Variants in FDFT1 observed in about 807,000 individuals in gnomAD.
FDFT1 encodes squalene synthase.
A neutral mutation model predicts 46.8 loss-of-function variants in FDFT1; 68 were observed. The ratio of observed to expected loss-of-function variants is 1.45; its 90% CI spans 1.19 to 1.78. The LOEUF (loss-of-function observed/expected upper bound fraction) is 1.78, where lower values mean the gene tolerates loss of function less well. FDFT1 is among the 40% of genes most tolerant of loss of function. The pLI, the probability that FDFT1 is intolerant of heterozygous loss-of-function variation, is 0.00. For missense variants in FDFT1, 928 were observed against 524.4 expected (o/e 1.77, Z -7.52); for synonymous variants, 351 against 185.1 (o/e 1.90, Z -7.28).
At chr8:11,830,524 A>C in intron 6 of FDFT1, 104 bp downstream of exon 6, 2 of 801,288 alleles carry the variant, frequency 2.5e-6, no homozygotes, top group Non-Finnish European at 2.0e-6. Context: ...TTCCTTAAAA[A>C]GACGATGACT....
chr8:11,804,927 A>AC (rs1806632436), intron 1 of FDFT1, among the ~76,000 whole-genome samples: 2 of 120,972 alleles, frequency 1.7e-5, no homozygotes, highest in Non-Finnish European at 3.3e-5. Flanking sequence ...TTTTTTTTTG[A>AC]GGGGGGGGTC....
At chr8:11,795,641 T>A (rs7845566) in exon 1 of FDFT1, 5 of 151,736 alleles carry the variant, frequency 3.3e-5, no homozygotes, top group African/African-American at 9.7e-5. Flanking sequence ...CAATAAATTT[T>A]AATACTTGTC....
upstream of FDFT1, chr8:11,797,806 G>A (rs1442990056): frequency 6.6e-6 from 1 of 152,262 alleles, no homozygotes; most frequent in Non-Finnish European, 1.5e-5. Context: ...GCCTATTCCA[G>A]GCAGGTGAAT....
At chr8:11,829,343 TATC>T (rs1357012503) in intron 5 of FDFT1, among the ~76,000 whole-genome samples, 4 of 152,220 alleles carry the variant, frequency 2.6e-5, no homozygotes, top group Admixed American at 1.3e-4. Flanking sequence ...CTCTAAATAA[TATC>T]ATTAAAAATC....
At chr8:11,806,219 G>C (rs541909591) in intron 1 of FDFT1, among the ~76,000 whole-genome samples, 1 of 152,048 alleles carries the variant, frequency 6.6e-6, no homozygotes, top group African/African-American at 2.4e-5. Context: ...TTTTTCTCCC[G>C]CTTGCGAGCT....
At chr8:11,820,098 C>T (rs897202230) in intron 3 of FDFT1, among the ~76,000 whole-genome samples, 2 of 152,136 alleles carry the variant, frequency 1.3e-5, no homozygotes, top group Admixed American at 1.3e-4. Context: ...TAACAGAGGC[C>T]CGTCAGCTGC....
intron 4 of FDFT1, among the ~76,000 whole-genome samples, chr8:11,822,640 C>A (rs957731442): frequency 6.6e-6 from 1 of 152,054 alleles, no homozygotes; most frequent in Admixed American, 6.6e-5. Context: ...ATAGCGAGAC[C>A]CCGTCTTTCA....
intron 1 of FDFT1, chr8:11,808,306 C>A: frequency 8.1e-7 from 1 of 1,227,148 alleles, no homozygotes; most frequent in Non-Finnish European, 1.0e-6. Flanking sequence ...CCTTAGCGGC[C>A]AGTGGGTTCT....
chr8:11,808,668 C>A (rs973196794), intron 1 of FDFT1, 126 bp from the exon 2 acceptor site: 19 of 1,476,102 alleles, frequency 1.3e-5, no homozygotes, highest in Admixed American at 2.2e-5. Flanking sequence ...CAAGGACTGG[C>A]CTCGGGGAGA....
chr8:11,816,415 G>A (rs1338384469), intron 3 of FDFT1, among the ~76,000 whole-genome samples: 2 of 152,166 alleles, frequency 1.3e-5, no homozygotes, highest in South Asian at 2.1e-4. Flanking sequence ...AAAGTCATTG[G>A]TAGCTTGATG....
upstream of FDFT1, chr8:11,802,241 C>G (rs1289766677): frequency 1.6e-5 from 6 of 383,924 alleles, no homozygotes; most frequent in Middle Eastern, 8.9e-4. Flanking sequence ...GCTGGCCCGG[C>G]CTTTTCACGG....
In FDFT1 at chr8:11,827,233, A is replaced by C. The variant is rs571134033; in HGVS notation, c.702+1018A>C. Among the ~76,000 whole-genome samples the C allele has an allele frequency of 2.0e-5, 3 of 152,328 alleles. No homozygotes were observed. The South Asian group carries it at 6.2e-4, about 32-fold the overall frequency. On this transcript the variant is annotated intron_variant, in intron 5 of 7. Transcript: ENST00000220584. ...TCTCATACTTATAATCCCAGTGCTGAGGCCAGGAGTTCAAGACCAGCCTGA... is the reference window on the plus strand; with the variant it reads ...TCTCATACTTATAATCCCAGTGCTGCGGCCAGGAGTTCAAGACCAGCCTGA...
Position 11,803,304 on chromosome 8 carries a change from G to T in FDFT1, c.99+373G>T, listed in dbSNP as rs566686484. On this transcript the variant is annotated intron_variant, in intron 1 of 7. Coordinates refer to ENST00000220584, the MANE Select transcript of FDFT1 (RefSeq NM_004462.5). ...AGAGGACGAGTGAGTTTTTTGGTAA[G>T]CGGAATGAACTATGCAGATAACATC... 8.4e-6 allele frequency: 11 copies of T among 1,306,060 alleles called. No homozygotes were observed. In the South Asian group the frequency reaches 1.2e-4, roughly 15 times the overall value. 80.9% of individuals were successfully genotyped at this position (1,306,060 alleles called of 1,614,324 possible). A position where few individuals can be genotyped will look rare whatever the true frequency, so the allele number is the denominator to read the frequency against.
chr8:11,802,011 C>T (rs746332185), upstream of FDFT1: 3 of 455,916 alleles, frequency 6.6e-6, no homozygotes, highest in Non-Finnish European at 8.8e-6. Flanking sequence ...GTTTCTAGGG[C>T]TGGAGAGATC....
chr8:11,804,864 C>A (rs1325224236), intron 1 of FDFT1, among the ~76,000 whole-genome samples: 2 of 150,714 alleles, frequency 1.3e-5, no homozygotes, highest in Non-Finnish European at 2.9e-5. Flanking sequence ...TCGCCTTGGT[C>A]TCCCAAAGTG....
At position 11,826,161 on chromosome 8, in the gene FDFT1, C is replaced by T. The variant is rs144787232; in HGVS notation, c.648C>T (p.Ile216=). Residue 216 remains isoleucine (I), a synonymous_variant, in exon 5 of 8, where the codon ATC becomes ATT. Transcript: ENST00000220584. ...SMGLFLQKTN[I]IRDYLEDQQG... ...GCCTGTTTTTGCAGAAAACAAACAT[C>T]ATCCGTGACTATCTGGAAGACCAGC... The T allele has an allele frequency of 3.1e-5, 49 of 1,600,616 alleles. No individual in the cohort carries two copies. The highest frequency in any genetic ancestry group is 4.2e-5 in the Non-Finnish European group (49 of 1,169,898).
At chr8:11,803,540 G>A in intron 1 of FDFT1, 1 of 1,151,486 alleles carries the variant, frequency 8.7e-7, no homozygotes, top group Non-Finnish European at 1.1e-6. Context: ...GTTTTACTTA[G>A]ATTTTTATCT....
In FDFT1 at chr8:11,827,900, C is replaced by CAAAAA. The variant is rs113808742; in HGVS notation, c.702+1689_702+1693dup. On this transcript the variant is annotated intron_variant, in intron 5 of 7. Coordinates refer to ENST00000220584, the MANE Select transcript of FDFT1 (RefSeq NM_004462.5). Reference sequence around the variant, plus strand: ...TAAAACAAAACAAAACAAAACAAAACAAAAAAAACAGTAAAAATTGGCCGG... The same window carrying CAAAAA: ...TAAAACAAAACAAAACAAAACAAAACAAAAAAAAAAAAACAGTAAAAATTGGCCGG... 3.9e-3 allele frequency among the ~76,000 whole-genome samples: 554 copies of CAAAAA among 142,220 alleles called. 2 individuals are homozygous for CAAAAA. The highest frequency in any genetic ancestry group is 0.012 in the African/African-American group (451 of 37,400). 93.3% of individuals were successfully genotyped at this position (142,220 alleles called of 152,430 possible). A position where few individuals can be genotyped will look rare whatever the true frequency, so the allele number is the denominator to read the frequency against.
At chr8:11,811,442 T>G (rs1396895208) in intron 3 of FDFT1, among the ~76,000 whole-genome samples, 2 of 152,200 alleles carry the variant, frequency 1.3e-5, no homozygotes, top group African/African-American at 2.4e-5. Context: ...ATGTGTTAGG[T>G]ATTGCTAAGT....
Sources: allele counts gnomAD v4.1 joint callset (sites outside exome capture counted in the v4.1 genomes callset), GRCh38; gene constraint gnomAD v4.1.1; transcripts MANE v1.5; gene names NCBI Gene and HGNC (gene_info 2026-07-23, HGNC 2026-07-21).